The following RPTOR variants were observed in gnomAD, a reference collection of about 807,000 sequenced individuals.
RPTOR encodes the protein regulatory-associated protein of mTOR.
RPTOR carries 21 observed loss-of-function variants against 169.9 expected under a neutral mutation model. That is an observed-to-expected ratio of 0.12 (90% CI 0.09 to 0.18). The LOEUF is 0.18. RPTOR is among the 10% of genes least tolerant of loss of function. The pLI, the probability that RPTOR is intolerant of heterozygous loss-of-function variation, is 1.00. For synonymous variants in RPTOR, 732 were observed against 753.2 expected (o/e 0.97, Z 0.46); for missense variants, 1,133 against 1,855.9 (o/e 0.61, Z 7.16).
intron 3 of RPTOR, among the ~76,000 whole-genome samples, chr17:80,656,852 A>G (rs2065683320): frequency 6.6e-6 from 1 of 152,206 alleles, no homozygotes; most frequent in Non-Finnish European, 1.5e-5. Context: ...AGGGATGGCT[A>G]GTTCCTCTGT....
At chr17:80,742,529 CAT>C (rs1334183080) in intron 5 of RPTOR, among the ~76,000 whole-genome samples, 7 of 151,972 alleles carry the variant, frequency 4.6e-5, no homozygotes, top group East Asian at 1.9e-4. Context: ...CACATGCACA[CAT>C]GTACACGTAT....
chr17:80,706,625 G>A (rs1417988442), intron 3 of RPTOR, among the ~76,000 whole-genome samples: 1 of 152,174 alleles, frequency 6.6e-6, no homozygotes, highest in Non-Finnish European at 1.5e-5. Flanking sequence ...CCCCAGCCTC[G>A]CTGTCTTAAT....
At chr17:80,874,904 C>A (rs1235207770) in intron 13 of RPTOR, among the ~76,000 whole-genome samples, 1 of 152,200 alleles carries the variant, frequency 6.6e-6, no homozygotes, top group Non-Finnish European at 1.5e-5. Flanking sequence ...CTAAACTCTT[C>A]TACCCAGTGG....
chr17:80,865,425 C>T (rs1377069786), intron 13 of RPTOR, among the ~76,000 whole-genome samples: 10 of 152,084 alleles, frequency 6.6e-5, no homozygotes, highest in Non-Finnish European at 1.2e-4. Flanking sequence ...CATAAAGACA[C>T]GAGTAGATTG....
chr17:80,927,740 C>CCCTGTGTGTGTCTG (rs1555636516), intron 24 of RPTOR, among the ~76,000 whole-genome samples: 1,025 of 91,644 alleles, frequency 0.011, 23 homozygotes, highest in African/African-American at 0.038. Context: ...TTCTGTGTGT[C>CCCTGTGTGTGTCTG]TGTGTGTGTG....
chr17:80,726,339 C>T lies in RPTOR; in HGVS notation c.508-4221C>T, dbSNP rs2066333965. Among the ~76,000 whole-genome samples, 1 of 152,204 alleles carries T rather than the reference C, an allele frequency of 6.6e-6. No individual in the cohort carries two copies. Among genetic ancestry groups the T allele is most frequent in the Non-Finnish European group, 1.5e-5 (1 of 68,020 alleles). ...GTCCAGCCCCAGCAGGACTGGGCCA[C>T]GAGGACCCTGCCGGTAACCTGGTGC... On this transcript the variant is annotated intron_variant, in intron 4 of 33. Coordinates refer to ENST00000306801, the MANE Select transcript of RPTOR (RefSeq NM_020761.3). This position sits in a 1 kb window ranked among gnomAD's most constrained non-coding sequence, Gnocchi z 4.5.
intron 1 of RPTOR, 137 bp downstream of exon 1, chr17:80,545,928 C>T: frequency 1.5e-6 from 1 of 676,284 alleles, no homozygotes; most frequent in Non-Finnish European, 2.3e-6. Context: ...AAAGCAAAAG[C>T]CATTTCAGAC....
At chr17:80,905,489 A>G (rs2068529560) in intron 20 of RPTOR, among the ~76,000 whole-genome samples, 1 of 151,070 alleles carries the variant, frequency 6.6e-6, no homozygotes, top group Non-Finnish European at 1.5e-5. Context: ...CCAGCTCCTC[A>G]GGAGGCTAAG....
At chr17:80,683,000 C>T (rs1355791157) in intron 3 of RPTOR, among the ~76,000 whole-genome samples, 2 of 152,144 alleles carry the variant, frequency 1.3e-5, no homozygotes, top group Non-Finnish European at 2.9e-5. Context: ...GGGGTTTCAA[C>T]ATGTTGTCCA....
chr17:80,689,227 C>T (rs1442976144), intron 3 of RPTOR, among the ~76,000 whole-genome samples: 9 of 152,230 alleles, frequency 5.9e-5, no homozygotes, highest in Non-Finnish European at 1.0e-4. Context: ...CAGATGAACA[C>T]ATTCACTTGT....
intron 7 of RPTOR, among the ~76,000 whole-genome samples, chr17:80,810,085 A>C (rs1247785472): frequency 7.7e-6 from 1 of 130,128 alleles, no homozygotes; most frequent in Non-Finnish European, 1.7e-5. Context: ...ATAAATAAAT[A>C]AATAAATAAA....
At chr17:80,700,634 AT>A (rs2066083647) in intron 3 of RPTOR, among the ~76,000 whole-genome samples, 1 of 55,822 alleles carries the variant, frequency 1.8e-5, no homozygotes, top group African/African-American at 4.7e-5. Flanking sequence ...GGTGGCGGCG[AT>A]GATGGTGGTG....
In RPTOR at chr17:80,746,213, G is replaced by A. The variant is rs1029561342; in HGVS notation, c.655-7797G>A. On this transcript the variant is annotated intron_variant, in intron 5 of 33. Coordinates refer to ENST00000306801, the MANE Select transcript of RPTOR (RefSeq NM_020761.3). This position sits in a 1 kb window ranked among gnomAD's most constrained non-coding sequence, Gnocchi z 4.5. ...AGGTGATCCCCACCGCCCCCACAGCGGTGCTTTCTGCGGGTGATCCCCACC... is the reference window on the plus strand; with the variant it reads ...AGGTGATCCCCACCGCCCCCACAGCAGTGCTTTCTGCGGGTGATCCCCACC... Among the ~76,000 whole-genome samples the A allele has an allele frequency of 1.4e-5, 2 of 143,782 alleles. No homozygotes were observed. Among genetic ancestry groups the A allele is most frequent in the African/African-American group, 2.5e-5 (1 of 40,018 alleles). 94.3% of individuals were successfully genotyped at this position (143,782 alleles called of 152,430 possible).
chr17:80,966,124 C>CCA lies in RPTOR; in HGVS notation c.*1795_*1796insAC. 4.4e-6 allele frequency: 1 copy of CCA among 225,402 alleles called. No individual in the cohort carries two copies. The highest frequency in any genetic ancestry group is 8.8e-6 in the Non-Finnish European group (1 of 113,562). 14.0% of individuals were successfully genotyped at this position (225,402 alleles called of 1,614,324 possible). A position where few individuals can be genotyped will look rare whatever the true frequency, so the allele number is the denominator to read the frequency against. The stretch of plus-strand genomic sequence containing the variant: ...GGCTCCAGAGGGGTCAAGACCCCCC[C>CCA]CCGCCCCCGCTCCACCCTGGAGCCC... On this transcript the variant is annotated 3_prime_UTR_variant, in exon 34 of 34. Coordinates refer to ENST00000306801, the MANE Select transcript of RPTOR (RefSeq NM_020761.3).
intron 24 of RPTOR, 60 bp downstream of exon 24, chr17:80,925,540 C>A (rs1311691544): frequency 8.1e-6 from 11 of 1,353,942 alleles, no homozygotes; most frequent in Non-Finnish European, 1.2e-5. Flanking sequence ...TGTCCCACTT[C>A]TTTGAGCATA....
At chr17:80,731,441 G>T (rs777902827) in intron 5 of RPTOR, among the ~76,000 whole-genome samples, 1 of 151,994 alleles carries the variant, frequency 6.6e-6, no homozygotes, top group Non-Finnish European at 1.5e-5. Flanking sequence ...AAGCTAAAAT[G>T]ATAGAAAACA....
chr17:80,842,856 T>G (rs565145942), intron 10 of RPTOR, among the ~76,000 whole-genome samples: 11 of 152,312 alleles, frequency 7.2e-5, no homozygotes, highest in African/African-American at 1.4e-4. Context: ...ACTGGTGGTG[T>G]TTGCACTGAG....
At chr17:80,931,299 G>A (rs2068894218) in intron 24 of RPTOR, among the ~76,000 whole-genome samples, 1 of 152,222 alleles carries the variant, frequency 6.6e-6, no homozygotes, top group South Asian at 2.1e-4. Flanking sequence ...GCAGGGAAGG[G>A]AAGAGGTGCC....
At chr17:80,846,841 A>G (rs1165707047) in intron 11 of RPTOR, among the ~76,000 whole-genome samples, 2 of 152,242 alleles carry the variant, frequency 1.3e-5, no homozygotes, top group East Asian at 3.9e-4. Flanking sequence ...CCACCCTCAG[A>G]TAAGTGTAAC....
Sources: gnomAD v4.1 joint callset for allele counts (sites outside exome capture counted in the v4.1 genomes callset) on GRCh38, gnomAD v4.1.1 for gene constraint, Gnocchi (gnomAD v3.1) non-coding constraint, MANE v1.5 for transcripts, NCBI Gene and HGNC (gene_info 2026-07-23, HGNC 2026-07-21) for gene names.